Variants in CTNNB1 observed in about 807,000 individuals in gnomAD.
The protein encoded by CTNNB1 is catenin beta 1.
In CTNNB1, 6 loss-of-function variants were observed where a neutral mutation model predicts 82.5. The ratio of observed to expected loss-of-function variants is 0.07; its 90% CI spans 0.04 to 0.14. The LOEUF is 0.14. Ranked by LOEUF, CTNNB1 falls within the 10% of genes least tolerant of loss-of-function variation. The pLI is 1.00. For synonymous variants in CTNNB1, 312 were observed against 329.7 expected, an observed-to-expected ratio of 0.95 and a Z score of 0.58; for missense variants, 529 against 980.4, an observed-to-expected ratio of 0.54 and a Z score of 6.15.
chr3:41,238,638 C>G (rs890645589), intron 14 of CTNNB1, among the ~76,000 whole-genome samples: 1 of 152,196 alleles, frequency 6.6e-6, no homozygotes, highest in Admixed American at 6.5e-5. Context: ...CATGTCAACC[C>G]TAAGATAAAA....
intron 1 of CTNNB1, chr3:41,210,931 A>C: frequency 2.3e-6 from 1 of 430,148 alleles, no homozygotes; most frequent in South Asian, 1.7e-5. Flanking sequence ...CTGGGACTAC[A>C]CCAGGCACCC....
chr3:41,217,209 C>T (rs896079983), intron 1 of CTNNB1, among the ~76,000 whole-genome samples: 1 of 152,190 alleles, frequency 6.6e-6, no homozygotes, highest in Non-Finnish European at 1.5e-5. Flanking sequence ...CCCATCTTTA[C>T]GTGGCCAGCT....
At chr3:41,233,987 G>C in intron 9 of CTNNB1, 120 bp downstream of exon 9, 1 of 1,426,222 alleles carries the variant, frequency 7.0e-7, no homozygotes, top group Non-Finnish European at 9.9e-7. Flanking sequence ...TTAGTAAGTA[G>C]GAAGTATGGC....
chr3:41,207,477 A>T (rs1217395302), intron 1 of CTNNB1, among the ~76,000 whole-genome samples: 6 of 152,052 alleles, frequency 3.9e-5, no homozygotes. Context: ...CCTCTCCCCC[A>T]TCAGGAGCTA....
chr3:41,236,228 A>T lies in CTNNB1; in HGVS notation c.1804-121A>T, dbSNP rs1575333769. On this transcript the variant is annotated intron_variant, in intron 11 of 14. Transcript: ENST00000349496. ...CCCCAAGACATAAAATTCAGAGAAT[A>T]TTATTTACTACAGTGTGAATGCCTC... The T allele has an allele frequency of 2.6e-6, 3 of 1,149,580 alleles. No homozygotes were observed. In the East Asian group the frequency reaches 7.0e-5, roughly 27 times the overall value. The allele number at this position is 1,149,580 out of a possible 1,614,324, so 71.2% of individuals were successfully genotyped here. A position where few individuals can be genotyped will look rare whatever the true frequency, so the allele number is the denominator to read the frequency against.
intron 12 of CTNNB1, 38 bp from the exon 13 acceptor site, chr3:41,236,548 TCA>T: frequency 1.9e-6 from 3 of 1,614,188 alleles, no homozygotes; most frequent in Non-Finnish European, 2.5e-6. Context: ...CATTGAAGTC[TCA>T]GTTTTTCCTC....
intron 1 of CTNNB1, among the ~76,000 whole-genome samples, chr3:41,217,945 A>G (rs2077952542): frequency 6.6e-6 from 1 of 152,136 alleles, no homozygotes; most frequent in East Asian, 1.9e-4. Context: ...AATTACTTCA[A>G]ATGTGATTTG....
chr3:41,224,461 T>G (rs1181205169), intron 2 of CTNNB1, 65 bp from the exon 3 acceptor site: 1 of 1,430,288 alleles, frequency 7.0e-7, no homozygotes. Context: ...TATCACAGAT[T>G]CTTTTTTTTT....
intron 1 of CTNNB1, among the ~76,000 whole-genome samples, chr3:41,217,145 C>T (rs574296428): frequency 3.1e-4 from 47 of 152,246 alleles, no homozygotes; most frequent in Admixed American, 9.8e-4. Flanking sequence ...AAAACCTTTA[C>T]CACATTGAGT....
intron 1 of CTNNB1, among the ~76,000 whole-genome samples, chr3:41,213,344 A>G (rs1211359642): frequency 1.3e-5 from 2 of 152,178 alleles, no homozygotes; most frequent in Non-Finnish European, 2.9e-5. Context: ...GTTACCTTCA[A>G]GAAGCCTTTG....
chr3:41,218,984 A>G (rs2077978341), intron 1 of CTNNB1, among the ~76,000 whole-genome samples: 1 of 152,234 alleles, frequency 6.6e-6, no homozygotes, highest in Non-Finnish European at 1.5e-5. Context: ...CATAAACTAT[A>G]TGAAGCATTG....
chr3:41,200,996 A>T (rs2077516998), intron 1 of CTNNB1, among the ~76,000 whole-genome samples: 1 of 152,234 alleles, frequency 6.6e-6, no homozygotes, highest in Admixed American at 6.5e-5. Flanking sequence ...TTGTATCATG[A>T]ATAATGGTGG....
chr3:41,233,113 T>A (rs893685463), intron 7 of CTNNB1: 2 of 598,002 alleles, frequency 3.3e-6, no homozygotes, highest in African/African-American at 3.7e-5. Flanking sequence ...TTTTTCGGCT[T>A]AGGAAAGGAA....
chr3:41,237,046 A>C (rs544378525), intron 13 of CTNNB1: 2 of 430,204 alleles, frequency 4.6e-6, no homozygotes, highest in Non-Finnish European at 8.2e-6. Flanking sequence ...GTTTATCAGT[A>C]TTTTTTACTA....
chr3:41,224,856 AAG>A lies in CTNNB1; in HGVS notation c.242-93_242-92del. 23 of 1,602,564 alleles carry A rather than the reference AAG, an allele frequency of 1.4e-5. 1 individual carries two copies. In the South Asian group the frequency reaches 2.1e-4, roughly 15 times the overall value. On this transcript the variant is annotated intron_variant, in intron 3 of 14. Transcript: ENST00000349496. ...TTAAATAAAATGTTGTGGTGAAGAA[AAG>A]AGAGTAATAGCAATGTCACTTTTAC...
At position 41,227,303 on chromosome 3, in the gene CTNNB1, G is replaced by C. The variant is rs1205063201; in HGVS notation, c.1032G>C (p.Leu344=). The part of the protein sequence containing the change: ...EKLLWTTSRV[L]KVLSVCSSNK... The stretch of plus-strand genomic sequence containing the variant: ...TACTGTGGACCACAAGCAGAGTGCT[G>C]AAGGTGCTATCTGTCTGCTCTAGTA... Residue 344 remains leucine (L), a synonymous_variant, in exon 7 of 15, where the codon CTG becomes CTC. Transcript: ENST00000349496. 6.2e-7 allele frequency: 1 copy of C among 1,613,848 alleles called. No homozygotes were observed. The highest frequency in any genetic ancestry group is 1.7e-5 in the Admixed American group (1 of 59,998).
At chr3:41,230,202 T>C (rs2078276394) in intron 7 of CTNNB1, among the ~76,000 whole-genome samples, 1 of 152,210 alleles carries the variant, frequency 6.6e-6, no homozygotes, top group Non-Finnish European at 1.5e-5. Context: ...CAAATGTGGC[T>C]GAGTTCATAT....
chr3:41,211,183 G>A, intron 1 of CTNNB1: 1 of 412,134 alleles, frequency 2.4e-6, no homozygotes, highest in Non-Finnish European at 5.0e-6. Flanking sequence ...AGAACATTGT[G>A]CTGCGACGTT....
At position 41,225,132 on chromosome 3, in the gene CTNNB1, T is replaced by A. The variant is rs3856746; in HGVS notation, c.420T>A (p.Ile140=). 2 of 1,614,046 alleles carry A rather than the reference T, an allele frequency of 1.2e-6. No homozygotes were observed. Among genetic ancestry groups the A allele is most frequent in the Non-Finnish European group, 1.7e-6 (2 of 1,179,986 alleles). Residue 140 remains isoleucine, a synonymous_variant, in exon 4 of 15, where the codon ATT becomes ATA. Coordinates refer to ENST00000349496, the MANE Select transcript of CTNNB1 (RefSeq NM_001904.4). The surrounding 1 kb of genome is among the most constrained non-coding windows in gnomAD (Gnocchi z 5.3). ...QMLKHAVVNL[I]NYQDDAELAT... ...TGAAACATGCAGTTGTAAACTTGAT[T>A]AACTATCAAGATGATGCAGAACTTG...
Sources: gnomAD v4.1 joint callset for allele counts (sites outside exome capture counted in the v4.1 genomes callset) on GRCh38, gnomAD v4.1.1 for gene constraint, Gnocchi (gnomAD v3.1) non-coding constraint, MANE v1.5 for transcripts, NCBI Gene and HGNC (gene_info 2026-07-23, HGNC 2026-07-21) for gene names.